The following EPN2 variants were observed in gnomAD, a reference collection of about 807,000 sequenced individuals.
The protein encoded by EPN2 is epsin-2.
In EPN2, 34 loss-of-function variants were observed where a neutral mutation model predicts 61.7. The observed-to-expected ratio is 0.55, with a 90% CI of 0.42 to 0.73. The LOEUF (loss-of-function observed/expected upper bound fraction) is 0.73. Among genes scored for constraint, EPN2 ranks in the 30% least tolerant of loss-of-function variants. The pLI, the probability that EPN2 is intolerant of heterozygous loss-of-function variation, is 0.00. For missense variants in EPN2, 714 were observed against 839.2 expected (o/e 0.85, Z 1.84); for synonymous variants, 349 against 353.6 (o/e 0.99, Z 0.15).
intron 4 of EPN2, among the ~76,000 whole-genome samples, chr17:19,287,492 G>C (rs1305916141): frequency 6.6e-6 from 1 of 152,088 alleles, no homozygotes; most frequent in Admixed American, 6.5e-5. Flanking sequence ...TCGGAGTCCA[G>C]GGCAAAGATT....
intron 7 of EPN2, among the ~76,000 whole-genome samples, chr17:19,322,760 G>A (rs866230482): frequency 0.032 from 4,839 of 149,122 alleles, 260 homozygotes; most frequent in African/African-American, 0.11. Context: ...AAAAAAAAAA[G>A]GTAGTGGCTG....
Position 19,335,289 on chromosome 17 carries a change from C to A in EPN2, c.*1035C>A. Reference sequence around the variant, plus strand: ...TGACTTTCAGCCTTTTTGGCTAGATCCTGAGAGGCTATTTTTCTTACGAAT... The same window carrying A: ...TGACTTTCAGCCTTTTTGGCTAGATACTGAGAGGCTATTTTTCTTACGAAT... On this transcript the variant is annotated 3_prime_UTR_variant, in exon 11 of 11. Transcript: ENST00000314728. The A allele has an allele frequency of 9.3e-7, 1 of 1,074,858 alleles. No individual in the cohort carries two copies. Among genetic ancestry groups the A allele is most frequent in the Non-Finnish European group, 1.3e-6 (1 of 757,082 alleles). 66.6% of individuals were successfully genotyped at this position (1,074,858 alleles called of 1,614,324 possible).
chr17:19,269,321 A>G (rs1443953376), intron 1 of EPN2, among the ~76,000 whole-genome samples: 1 of 152,188 alleles, frequency 6.6e-6, no homozygotes, highest in Non-Finnish European at 1.5e-5. Flanking sequence ...GAGGGAAGTA[A>G]TATTTTTACT....
At chr17:19,304,151 T>A (rs1905697160) in intron 4 of EPN2, among the ~76,000 whole-genome samples, 1 of 152,130 alleles carries the variant, frequency 6.6e-6, no homozygotes, top group African/African-American at 2.4e-5. Flanking sequence ...TTAACTTTTT[T>A]ATAATTTGCC....
At chr17:19,300,096 C>T (rs1307562612) in intron 4 of EPN2, among the ~76,000 whole-genome samples, 4 of 152,176 alleles carry the variant, frequency 2.6e-5, no homozygotes, top group African/African-American at 4.8e-5. Flanking sequence ...CACCTAGCTG[C>T]CCCATGGTTC....
At position 19,335,174 on chromosome 17, in the gene EPN2, TAA is replaced by T; in HGVS notation, c.*929_*930del. Reference sequence around the variant, plus strand: ...TTACACATAGATGATGATGTTTATTTAAAAAAAAAACAACAGCAACAAAAAAT... The same window carrying T: ...TTACACATAGATGATGATGTTTATTTAAAAAAAACAACAGCAACAAAAAAT... On this transcript the variant is annotated 3_prime_UTR_variant, in exon 11 of 11. Coordinates refer to ENST00000314728, the MANE Select transcript of EPN2 (RefSeq NM_014964.5). 1 of 345,794 alleles carries T rather than the reference TAA, an allele frequency of 2.9e-6. No individual in the cohort carries two copies. Among genetic ancestry groups the T allele is most frequent in the Non-Finnish European group, 5.2e-6 (1 of 191,280 alleles). The allele number at this position is 345,794 out of a possible 1,614,324, so 21.4% of individuals were successfully genotyped here. A position where few individuals can be genotyped will look rare whatever the true frequency, so the allele number is the denominator to read the frequency against.
chr17:19,266,302 A>G (rs909476682), intron 1 of EPN2, among the ~76,000 whole-genome samples: 1 of 152,214 alleles, frequency 6.6e-6, no homozygotes, highest in Non-Finnish European at 1.5e-5. Context: ...TGTAGTTACC[A>G]TATGACCCAG....
chr17:19,293,237 G>A (rs1162030146), intron 4 of EPN2, among the ~76,000 whole-genome samples: 6 of 151,852 alleles, frequency 4.0e-5, no homozygotes, highest in East Asian at 1.9e-4. Flanking sequence ...AAAATTAGCC[G>A]GTCATGGTGG....
At position 19,328,855 on chromosome 17, in the gene EPN2, C is replaced by A. The variant is rs141736473; in HGVS notation, c.1292C>A (p.Ala431Glu). 1 of 1,612,944 alleles carries A rather than the reference C, an allele frequency of 6.2e-7. No homozygotes were observed. The highest frequency in any genetic ancestry group is 1.3e-5 in the African/African-American group (1 of 74,918). ...AGKRASDAWG[A>E]VSTTKPVSVS... The stretch of plus-strand genomic sequence containing the variant: ...AAAAGAGCTTCTGACGCGTGGGGCG[C>A]AGTCTCCACCACCAAGCCCGTGTCT... The change falls in exon 8 of 11, where the codon GCA (alanine) becomes GAA (glutamate). Residue 431 changes from alanine (A) to glutamate (E), a missense_variant. Physicochemically the swap from Ala to Glu is moderately radical, Grantham distance 107. Coordinates refer to ENST00000314728, the MANE Select transcript of EPN2 (RefSeq NM_014964.5).
chr17:19,298,967 G>A (rs1905335929), intron 4 of EPN2, among the ~76,000 whole-genome samples: 1 of 151,998 alleles, frequency 6.6e-6, no homozygotes. Flanking sequence ...AGGATTCTTT[G>A]GATTATTTCT....
intron 1 of EPN2, among the ~76,000 whole-genome samples, chr17:19,281,358 G>A (rs1049209274): frequency 6.6e-6 from 1 of 152,176 alleles, no homozygotes; most frequent in South Asian, 2.1e-4. Context: ...AGGATTTTAG[G>A]TTTGGAATCC....
intron 1 of EPN2, among the ~76,000 whole-genome samples, chr17:19,261,557 C>G (rs1020011745): frequency 1.1e-4 from 17 of 152,144 alleles, no homozygotes; most frequent in African/African-American, 3.9e-4. Context: ...CTATTCCTCC[C>G]CTTCCCTCTG....
At position 19,282,044 on chromosome 17, in the gene EPN2, C is replaced by G. The variant is rs996501811; in HGVS notation, c.-204C>G. On this transcript the variant is annotated 5_prime_UTR_variant, in exon 2 of 11. Transcript: ENST00000314728. ...GGTTACCAAACTTGTGGACAGGAGCCTCATATCAGAGACGTGGACCTCACT... is the reference window on the plus strand; with the variant it reads ...GGTTACCAAACTTGTGGACAGGAGCGTCATATCAGAGACGTGGACCTCACT... 15 of 152,202 alleles carry G rather than the reference C, an allele frequency of 9.9e-5. No individual in the cohort carries two copies. The highest frequency in any genetic ancestry group is 3.6e-4 in the African/African-American group (15 of 41,420). The allele number at this position is 152,202 out of a possible 1,614,324, so 9.4% of individuals were successfully genotyped here. A position where few individuals can be genotyped will look rare whatever the true frequency, so the allele number is the denominator to read the frequency against.
intron 4 of EPN2, among the ~76,000 whole-genome samples, chr17:19,306,872 A>G (rs1234372487): frequency 2.0e-5 from 3 of 152,214 alleles, no homozygotes; most frequent in Non-Finnish European, 4.4e-5. Flanking sequence ...CGTAAGTGCA[A>G]TATTTGCTTT....
At chr17:19,287,984 A>G (rs77313689) in intron 4 of EPN2, among the ~76,000 whole-genome samples, 1,681 of 152,214 alleles carry the variant, frequency 0.011, 26 homozygotes, top group African/African-American at 0.039. Flanking sequence ...CAGCCTTCTG[A>G]CCAATTTCCT....
chr17:19,266,697 C>T (rs371549047), intron 1 of EPN2, among the ~76,000 whole-genome samples: 18 of 151,758 alleles, frequency 1.2e-4, no homozygotes, highest in African/African-American at 1.2e-4. Flanking sequence ...CCACCACGCC[C>T]GGCCATCTCA....
In EPN2 at chr17:19,292,875, C is replaced by G. The variant is rs138848879; in HGVS notation, c.766+7085C>G. ...AGGAAACTGACATGAACTTGCTCCC[C>G]TAAATCCTCTCATTTGTAAGTGAAG... On this transcript the variant is annotated intron_variant, in intron 4 of 10. Transcript: ENST00000314728. Among the ~76,000 whole-genome samples the G allele has an allele frequency of 1.4e-4, 21 of 152,302 alleles. 1 individual carries two copies. Among genetic ancestry groups the G allele is most frequent in the African/African-American group, 5.1e-4 (21 of 41,552 alleles).
chr17:19,297,640 T>C (rs1289146837), intron 4 of EPN2, among the ~76,000 whole-genome samples: 3 of 152,132 alleles, frequency 2.0e-5, no homozygotes, highest in Non-Finnish European at 4.4e-5. Context: ...CTGTAAACTA[T>C]GGAGCTGCTG....
chr17:19,264,116 G>A (rs1253509977), intron 1 of EPN2, among the ~76,000 whole-genome samples: 2 of 152,168 alleles, frequency 1.3e-5, no homozygotes, highest in Non-Finnish European at 2.9e-5. Flanking sequence ...CAGGACAATG[G>A]CAGTGTAAAC....
Sources: allele counts gnomAD v4.1 joint callset (sites outside exome capture counted in the v4.1 genomes callset), GRCh38; gene constraint gnomAD v4.1.1; transcripts MANE v1.5; gene names NCBI Gene and HGNC (gene_info 2026-07-23, HGNC 2026-07-21).